The following MAGI2 variants were observed in gnomAD, a reference collection of about 807,000 sequenced individuals.
The protein encoded by MAGI2 is membrane associated guanylate kinase, WW and PDZ domain containing 2.
A neutral mutation model predicts 133.3 loss-of-function variants in MAGI2; 35 were observed. The ratio of observed to expected loss-of-function variants is 0.26; its 90% CI spans 0.20 to 0.35. The LOEUF (loss-of-function observed/expected upper bound fraction) is 0.35, where lower values mean the gene tolerates loss of function less well. MAGI2 is among the 10% of genes least tolerant of loss of function. The probability of loss-of-function intolerance (pLI) is 1.00; values close to 1 mark genes in which losing one functional copy is unlikely to be tolerated. For synonymous variants in MAGI2, 729 were observed against 710.6 expected (o/e 1.03, Z -0.41); for missense variants, 1,636 against 1,863.4 (o/e 0.88, Z 2.25).
chr7:78,517,637 CATT>C (rs1298303398), intron 4 of MAGI2, among the ~76,000 whole-genome samples: 1 of 152,030 alleles, frequency 6.6e-6, no homozygotes, highest in African/African-American at 2.4e-5. Context: ...TCATGTTTCT[CATT>C]TTTTATTATT....
intron 2 of MAGI2, among the ~76,000 whole-genome samples, chr7:78,784,138 T>C (rs1297873285): frequency 1.3e-5 from 2 of 152,130 alleles, no homozygotes; most frequent in African/African-American, 4.8e-5. Flanking sequence ...ATCATTCCAG[T>C]ATTTCAGATA....
intron 6 of MAGI2, among the ~76,000 whole-genome samples, chr7:78,420,440 C>A (rs1584015673): frequency 1.3e-5 from 2 of 152,282 alleles, no homozygotes; most frequent in South Asian, 2.1e-4. Flanking sequence ...TAAGAATATA[C>A]CCAGCCTCTT....
intron 1 of MAGI2, among the ~76,000 whole-genome samples, chr7:79,262,647 A>G (rs1452152605): frequency 6.6e-6 from 1 of 152,222 alleles, no homozygotes; most frequent in Non-Finnish European, 1.5e-5. Context: ...ACCACATTAC[A>G]AAGTGAGTTG....
intron 1 of MAGI2, among the ~76,000 whole-genome samples, chr7:79,284,101 C>G (rs1035068235): frequency 1.3e-5 from 2 of 152,036 alleles, no homozygotes; most frequent in African/African-American, 4.8e-5. Context: ...ATGATGTTCA[C>G]ACAATAATGA....
intron 3 of MAGI2, among the ~76,000 whole-genome samples, chr7:78,609,334 A>C (rs1032569692): frequency 3.3e-5 from 5 of 152,106 alleles, no homozygotes; most frequent in African/African-American, 1.2e-4. Context: ...AGTAAAGACA[A>C]TAATAAGGTC....
At chr7:78,258,707 T>C (rs1377383929) in intron 9 of MAGI2, among the ~76,000 whole-genome samples, 1 of 152,218 alleles carries the variant, frequency 6.6e-6, no homozygotes, top group Non-Finnish European at 1.5e-5. Context: ...ATTTTAATAT[T>C]CTGTAACTTT....
At chr7:78,959,182 T>C (rs1168989158) in intron 2 of MAGI2, among the ~76,000 whole-genome samples, 6 of 152,130 alleles carry the variant, frequency 3.9e-5, no homozygotes, top group Non-Finnish European at 7.4e-5. Flanking sequence ...TGAAAATATA[T>C]TGAAAGAAAA....
chr7:78,772,870 A>G (rs996369496), intron 2 of MAGI2, among the ~76,000 whole-genome samples: 2 of 152,256 alleles, frequency 1.3e-5, no homozygotes, highest in African/African-American at 2.4e-5. Context: ...GGAAAAAAAC[A>G]TAAAAGATTT....
chr7:79,389,562 C>T (rs887326441), intron 1 of MAGI2, among the ~76,000 whole-genome samples: 6 of 152,018 alleles, frequency 3.9e-5, no homozygotes, highest in African/African-American at 1.4e-4. Flanking sequence ...TAGCATTATT[C>T]TATTTTAAAA....
chr7:79,435,651 G>C (rs1413827645), intron 1 of MAGI2, among the ~76,000 whole-genome samples: 1 of 151,956 alleles, frequency 6.6e-6, no homozygotes. Context: ...CTCGTGAATT[G>C]GCAGAATTAA....
intron 2 of MAGI2, among the ~76,000 whole-genome samples, chr7:78,846,487 AT>A (rs1792620734): frequency 1.3e-5 from 2 of 151,938 alleles, no homozygotes; most frequent in Non-Finnish European, 2.9e-5. Context: ...TCAGCTTTTA[AT>A]TGAAATAGAT....
chr7:79,187,345 T>C (rs920601507), intron 1 of MAGI2, among the ~76,000 whole-genome samples: 3 of 151,794 alleles, frequency 2.0e-5, no homozygotes, highest in Non-Finnish European at 4.4e-5. Flanking sequence ...TGATTTCTAC[T>C]TCTATGATAA....
chr7:79,169,092 T>A (rs1825267933), intron 1 of MAGI2, among the ~76,000 whole-genome samples: 1 of 151,936 alleles, frequency 6.6e-6, no homozygotes, highest in Non-Finnish European at 1.5e-5. Context: ...CTTTCTACCC[T>A]TGGCATCAGC....
At chr7:78,495,661 G>C (rs1373399890) in intron 5 of MAGI2, among the ~76,000 whole-genome samples, 1 of 152,094 alleles carries the variant, frequency 6.6e-6, no homozygotes, top group Non-Finnish European at 1.5e-5. Context: ...CTGTCAATGA[G>C]TTCTTTAGTG....
Position 79,453,361 on chromosome 7 carries a change from G to A in MAGI2, c.-41C>T, listed in dbSNP as rs1849429568. On this transcript the variant is annotated 5_prime_UTR_variant, in exon 1 of 22. Coordinates refer to ENST00000354212, the MANE Select transcript of MAGI2 (RefSeq NM_012301.4). ...CGCCTCAGTTCCTGGGCTCCTTGGG[G>A]TTAGGGGGGCTGGTGGTGAGAGAAT... 5.1e-6 allele frequency: 8 copies of A among 1,556,798 alleles called. No individual in the cohort carries two copies. The highest frequency in any genetic ancestry group is 6.9e-6 in the Non-Finnish European group (8 of 1,153,282).
rs1009403786 is a variant in MAGI2 at position 79,406,638 on chromosome 7, T to C, written c.301+46382A>G. 2.6e-4 allele frequency among the ~76,000 whole-genome samples: 40 copies of C among 152,224 alleles called. 1 individual carries two copies. Among genetic ancestry groups the C allele is most frequent in the Non-Finnish European group, 1.3e-4 (9 of 67,996 alleles). On this transcript the variant is annotated intron_variant, in intron 1 of 21. Transcript: ENST00000354212. ...TTCCTGTAAAAAGGCAATATAATCA[T>C]TTTTTCATCTTCCAGGGTCTGAATT...
At chr7:78,244,693 G>A (rs1169836003) in intron 10 of MAGI2, among the ~76,000 whole-genome samples, 1 of 152,164 alleles carries the variant, frequency 6.6e-6, no homozygotes, top group African/African-American at 2.4e-5. Context: ...GAATTTAGGA[G>A]TGTATTATAA....
chr7:78,736,412 A>T (rs949553686), intron 2 of MAGI2, among the ~76,000 whole-genome samples: 1 of 152,230 alleles, frequency 6.6e-6, no homozygotes, highest in African/African-American at 2.4e-5. Flanking sequence ...AGGAACAGAA[A>T]CTTACATTTT....
intron 1 of MAGI2, among the ~76,000 whole-genome samples, chr7:79,430,770 CT>C (rs1431495686): frequency 6.6e-6 from 1 of 152,194 alleles, no homozygotes; most frequent in African/African-American, 2.4e-5. Flanking sequence ...ATCTCCATAG[CT>C]TCTCTAACAG....
Sources: gnomAD v4.1 joint callset for allele counts (sites outside exome capture counted in the v4.1 genomes callset) on GRCh38, gnomAD v4.1.1 for gene constraint, MANE v1.5 for transcripts, NCBI Gene and HGNC (gene_info 2026-07-23, HGNC 2026-07-21) for gene names.